The following LYPLAL1 variants were observed in gnomAD, a reference collection of about 807,000 sequenced individuals.
LYPLAL1 encodes the protein lysophospholipase like 1.
Under a neutral mutation model 19.7 loss-of-function variants are expected in LYPLAL1, and 23 were observed. That is an observed-to-expected ratio of 1.17 (90% CI 0.84 to 1.65). The LOEUF (loss-of-function observed/expected upper bound fraction) is 1.65, where lower values mean the gene tolerates loss of function less well. Among genes scored for constraint, LYPLAL1 ranks in the 40% most tolerant of loss-of-function variants. LYPLAL1 has a pLI of 0.00. For synonymous variants in LYPLAL1, 119 were observed against 96.3 expected (o/e 1.24, Z -1.38); for missense variants, 355 against 279.4 (o/e 1.27, Z -1.93).
chr1:219,210,691 A>G (rs1279814551), intron 4 of LYPLAL1, 44 bp downstream of exon 4: 3 of 1,553,718 alleles, frequency 1.9e-6, no homozygotes, highest in Non-Finnish European at 8.7e-7. Flanking sequence ...TATGAAATAT[A>G]TACATGTTAA....
chr1:219,371,387 A>T, the LYPLAL1 span, among the ~76,000 whole-genome samples: 2 of 152,194 alleles, frequency 1.3e-5, no homozygotes, highest in African/African-American at 2.4e-5. Flanking sequence ...GGGGTCAGGG[A>T]TATAAATTTC....
chr1:219,421,331 C>T, the LYPLAL1 span, among the ~76,000 whole-genome samples: 1 of 152,166 alleles, frequency 6.6e-6, no homozygotes, highest in Non-Finnish European at 1.5e-5. Flanking sequence ...AAGTCATTGA[C>T]TTCACTATAG....
At chr1:219,445,049 A>T in the LYPLAL1 span, among the ~76,000 whole-genome samples, 1 of 151,596 alleles carries the variant, frequency 6.6e-6, no homozygotes, top group Admixed American at 6.6e-5. Flanking sequence ...CTAAAAAGGA[A>T]AGAAAAAAAT....
At chr1:219,239,436 A>G in the LYPLAL1 span, among the ~76,000 whole-genome samples, 11 of 152,196 alleles carry the variant, frequency 7.2e-5, no homozygotes, top group Non-Finnish European at 1.5e-4. Context: ...AGAAGGGAAG[A>G]CCAGAAATAT....
At chr1:219,282,295 AAAATT>A in the LYPLAL1 span, among the ~76,000 whole-genome samples, 1 of 152,148 alleles carries the variant, frequency 6.6e-6, no homozygotes, top group African/African-American at 2.4e-5. Flanking sequence ...AAGTAGAACA[AAAATT>A]AAAGAAGAGA....
At chr1:219,411,626 C>A in the LYPLAL1 span, 2 of 152,438 alleles carry the variant, frequency 1.3e-5, no homozygotes, top group Admixed American at 6.5e-5. Flanking sequence ...TCCCCTTCCC[C>A]ACTGTGGAAG....
the LYPLAL1 span, among the ~76,000 whole-genome samples, chr1:219,439,905 G>A: frequency 6.7e-6 from 1 of 148,576 alleles, no homozygotes; most frequent in South Asian, 2.1e-4. Context: ...ATTGCTTTAT[G>A]GCATAATCAC....
the LYPLAL1 span, among the ~76,000 whole-genome samples, chr1:219,303,018 C>A: frequency 1.3e-5 from 2 of 152,172 alleles, no homozygotes; most frequent in East Asian, 3.8e-4. Context: ...TATGAGCTCA[C>A]CAAAAATAGG....
chr1:219,315,415 T>C, the LYPLAL1 span, among the ~76,000 whole-genome samples: 1 of 152,180 alleles, frequency 6.6e-6, no homozygotes. Context: ...AAAAAACTCC[T>C]CATAAAAAGC....
chr1:219,301,784 A>G, the LYPLAL1 span, among the ~76,000 whole-genome samples: 3 of 152,180 alleles, frequency 2.0e-5, no homozygotes, highest in Non-Finnish European at 2.9e-5. Flanking sequence ...TTTTAAATGT[A>G]CATTTTAATT....
At chr1:219,175,007 TTG>T (rs1189738293) in intron 1 of LYPLAL1, 1 of 985,296 alleles carries the variant, frequency 1.0e-6, no homozygotes, top group Non-Finnish European at 1.2e-6. Context: ...AAAGTGGTCT[TTG>T]AGCCGAGACG....
chr1:219,229,294 T>TGAGA, the LYPLAL1 span, among the ~76,000 whole-genome samples: 1,526 of 132,954 alleles, frequency 0.011, 45 homozygotes, highest in African/African-American at 0.041. Flanking sequence ...ACAAGCATTT[T>TGAGA]GAGAGAGAGA....
chr1:219,351,140 C>G, the LYPLAL1 span, among the ~76,000 whole-genome samples: 3 of 151,330 alleles, frequency 2.0e-5, no homozygotes, highest in Admixed American at 6.6e-5. Flanking sequence ...GCATTGTTAT[C>G]TAGTATTTGC....
At chr1:219,443,927 C>G in the LYPLAL1 span, among the ~76,000 whole-genome samples, 1 of 152,190 alleles carries the variant, frequency 6.6e-6, no homozygotes, top group Non-Finnish European at 1.5e-5. Flanking sequence ...AGGGCCCACT[C>G]ATACATAGCA....
chr1:219,362,504 A>G, the LYPLAL1 span, among the ~76,000 whole-genome samples: 2 of 152,144 alleles, frequency 1.3e-5, no homozygotes, highest in African/African-American at 4.8e-5. Context: ...AGTATTTCTT[A>G]TGTTAGTAAT....
At chr1:219,339,526 GCTAA>G in the LYPLAL1 span, among the ~76,000 whole-genome samples, 1 of 152,000 alleles carries the variant, frequency 6.6e-6, no homozygotes, top group African/African-American at 2.4e-5. Context: ...CAAATATGCA[GCTAA>G]CTGTTGTTTC....
chr1:219,352,814 C>A, the LYPLAL1 span, among the ~76,000 whole-genome samples: 1 of 152,318 alleles, frequency 6.6e-6, no homozygotes, highest in East Asian at 1.9e-4. Context: ...GCTTACTACT[C>A]CCTGGATGGT....
chr1:219,232,043 C>T, the LYPLAL1 span, among the ~76,000 whole-genome samples: 1 of 152,208 alleles, frequency 6.6e-6, no homozygotes. Flanking sequence ...CTGCCACAGT[C>T]ATTTTCATAC....
chr1:219,314,062 A>G, the LYPLAL1 span, among the ~76,000 whole-genome samples: 5 of 152,154 alleles, frequency 3.3e-5, no homozygotes, highest in African/African-American at 1.2e-4. Flanking sequence ...CCCACTTATA[A>G]GTGAGAACAT....
Sources: gnomAD v4.1 joint callset for allele counts (sites outside exome capture counted in the v4.1 genomes callset) on GRCh38, gnomAD v4.1.1 for gene constraint, MANE v1.5 for transcripts, NCBI Gene and HGNC (gene_info 2026-07-23, HGNC 2026-07-21) for gene names.